IFT52: variants seen among roughly 807,000 people sequenced by gnomAD.
The protein encoded by IFT52 is intraflagellar transport 52.
In IFT52, 44 loss-of-function variants were observed where a neutral mutation model predicts 54.4. The observed-to-expected ratio is 0.81, with a 90% CI of 0.63 to 1.04. IFT52 has a LOEUF of 1.04. Ranked by LOEUF, IFT52 falls within the 50% of genes least tolerant of loss-of-function variation. The pLI, the probability that IFT52 is intolerant of heterozygous loss-of-function variation, is 0.00. For synonymous variants in IFT52, 181 were observed against 185.3 expected (o/e 0.98, Z 0.19); for missense variants, 452 against 523.6 (o/e 0.86, Z 1.33).
intron 7 of IFT52, 85 bp from the exon 8 acceptor site, chr20:43,618,855 C>A: frequency 1.2e-6 from 1 of 861,688 alleles, no homozygotes; most frequent in Non-Finnish European, 1.9e-6. Flanking sequence ...CAGTTGCTAG[C>A]ATGATTCTAA....
intron 10 of IFT52, among the ~76,000 whole-genome samples, chr20:43,627,352 T>G (rs1000294472): frequency 6.6e-6 from 1 of 152,140 alleles, no homozygotes; most frequent in Non-Finnish European, 1.5e-5. Context: ...AAATGAGGGT[T>G]GAGAATTTAT....
intron 3 of IFT52, among the ~76,000 whole-genome samples, chr20:43,598,851 G>A (rs922974525): frequency 4.8e-4 from 73 of 152,256 alleles, no homozygotes; most frequent in African/African-American, 1.7e-3. Flanking sequence ...GTACCTTTGT[G>A]CTGAGAGAGA....
chr20:43,598,858 G>C (rs1171848399), intron 3 of IFT52, among the ~76,000 whole-genome samples: 1 of 152,178 alleles, frequency 6.6e-6, no homozygotes, highest in East Asian at 1.9e-4. Flanking sequence ...TGTGCTGAGA[G>C]AGAATATGGG....
At chr20:43,606,833 C>T (rs1204042279) in intron 6 of IFT52, among the ~76,000 whole-genome samples, 1 of 152,188 alleles carries the variant, frequency 6.6e-6, no homozygotes, top group African/African-American at 2.4e-5. Flanking sequence ...CAAAGCACAT[C>T]TTGCACCGCC....
intron 8 of IFT52, among the ~76,000 whole-genome samples, chr20:43,619,988 C>G (rs2145633413): frequency 7.1e-6 from 1 of 139,938 alleles, no homozygotes; most frequent in East Asian, 2.2e-4. Context: ...ACCACCTCAG[C>G]TCACTGCAAC....
intron 6 of IFT52, among the ~76,000 whole-genome samples, chr20:43,611,441 CTTTTTTTTTTT>C (rs11469500): frequency 1.8e-5 from 1 of 55,078 alleles, no homozygotes; most frequent in Non-Finnish European, 3.1e-5. Flanking sequence ...AAATGTCAGT[CTTTTTTTTTTT>C]TTTTTTTTTT....
At position 43,604,230 on chromosome 20, in the gene IFT52, G is replaced by T. The variant is rs753153614; in HGVS notation, c.385G>T (p.Ala129Ser). ...TCACAAATATTTCCATCCTAAAGAA[G>T]CTCTAGTTTCCAGTGGAGTCTTGAA... ...VYHKYFHPKEALVSSGVLNRE... is the reference protein window; with the variant it reads ...VYHKYFHPKESLVSSGVLNRE... The change falls in exon 5 of 14, where the codon GCT becomes TCT. Residue 129 changes from alanine (A) to serine (S), a missense_variant. Coordinates refer to ENST00000373030, the MANE Select transcript of IFT52 (RefSeq NM_016004.5). The T allele has an allele frequency of 4.3e-6, 7 of 1,611,974 alleles. No individual in the cohort carries two copies. The highest frequency in any genetic ancestry group is 5.1e-6 in the Non-Finnish European group (6 of 1,178,100).
intron 5 of IFT52, among the ~76,000 whole-genome samples, chr20:43,604,652 A>T (rs571090351): frequency 1.3e-5 from 2 of 151,574 alleles, no homozygotes; most frequent in Non-Finnish European, 1.5e-5. Context: ...GTCTCTTCTC[A>T]TACATTCTTT....
At chr20:43,601,288 A>T (rs916761065) in intron 3 of IFT52, among the ~76,000 whole-genome samples, 1 of 152,174 alleles carries the variant, frequency 6.6e-6, no homozygotes, top group East Asian at 1.9e-4. Flanking sequence ...CGATTACAGG[A>T]AATACCTCAC....
chr20:43,639,232 T>A (rs1985745822), intron 12 of IFT52, among the ~76,000 whole-genome samples: 1 of 95,006 alleles, frequency 1.1e-5, no homozygotes. Context: ...AGACCCCATC[T>A]CTACAAAAAA....
chr20:43,621,359 A>C (rs1984289621), intron 9 of IFT52, among the ~76,000 whole-genome samples: 1 of 152,262 alleles, frequency 6.6e-6, no homozygotes, highest in South Asian at 2.1e-4. Context: ...CAGACAAGGG[A>C]AAGTGGTGAA....
At chr20:43,610,499 T>C (rs1224449674) in intron 6 of IFT52, among the ~76,000 whole-genome samples, 1 of 152,046 alleles carries the variant, frequency 6.6e-6, no homozygotes, top group African/African-American at 2.4e-5. Context: ...TTTGGGAGGC[T>C]GAGGCAGGCA....
At chr20:43,604,902 C>A (rs564697223) in intron 5 of IFT52, 100 bp from the exon 6 acceptor site, 1 of 1,243,822 alleles carries the variant, frequency 8.0e-7, no homozygotes, top group Non-Finnish European at 1.1e-6. Flanking sequence ...CAGGCTTAAG[C>A]AATCCTCCCA....
In IFT52 at chr20:43,606,216, G is replaced by C. The variant is rs372130005; in HGVS notation, c.485+1143G>C. 3.9e-3 allele frequency among the ~76,000 whole-genome samples: 569 copies of C among 146,610 alleles called. 4 individuals carry two copies. Among genetic ancestry groups the C allele is most frequent in the South Asian group, 0.011 (53 of 4,656 alleles). On this transcript the variant is annotated intron_variant, in intron 6 of 13. Coordinates refer to ENST00000373030, the MANE Select transcript of IFT52 (RefSeq NM_016004.5). ...AGCCTGGGGGACAGATGGAGACTTC[G>C]TCTAAAAAAAAAAAAATTATATTTG...
intron 10 of IFT52, among the ~76,000 whole-genome samples, chr20:43,629,354 GCTCC>G (rs10557881): frequency 0.71 from 107,290 of 151,824 alleles, 38,556 homozygotes; most frequent in East Asian, 0.8. Context: ...CTCACTGCAA[GCTCC>G]GCCTCCCGGG....
At chr20:43,610,159 G>C (rs1024905747) in intron 6 of IFT52, among the ~76,000 whole-genome samples, 1 of 150,748 alleles carries the variant, frequency 6.6e-6, no homozygotes, top group African/African-American at 2.4e-5. Context: ...AGACGTGGTG[G>C]CACAAGCCTG....
At chr20:43,622,741 T>G (rs1984413297) in intron 9 of IFT52, among the ~76,000 whole-genome samples, 3 of 132,820 alleles carry the variant, frequency 2.3e-5, no homozygotes, top group Admixed American at 1.7e-4. Context: ...ATATACATAT[T>G]TTTATGTAAA....
At chr20:43,633,701 C>CT (rs1985335574) in intron 10 of IFT52, among the ~76,000 whole-genome samples, 1 of 150,746 alleles carries the variant, frequency 6.6e-6, no homozygotes, top group African/African-American at 2.4e-5. Flanking sequence ...GAGTGAGACT[C>CT]TGTCTCAAAA....
At chr20:43,613,534 C>A (rs1043129959) in intron 6 of IFT52, among the ~76,000 whole-genome samples, 4 of 152,214 alleles carry the variant, frequency 2.6e-5, no homozygotes, top group Non-Finnish European at 4.4e-5. Flanking sequence ...GTAATCCCAG[C>A]ACTTTGGGAG....
Sources: gnomAD v4.1 joint callset for allele counts (sites outside exome capture counted in the v4.1 genomes callset) on GRCh38, gnomAD v4.1.1 for gene constraint, MANE v1.5 for transcripts, NCBI Gene and HGNC (gene_info 2026-07-23, HGNC 2026-07-21) for gene names.